The following B3GALT1 variants were observed in gnomAD, a reference collection of about 807,000 sequenced individuals.
The protein encoded by B3GALT1 is UDP-Gal:betaGlcNAc beta 1,3-galactosyltransferase, polypeptide 1.
In B3GALT1, 10 loss-of-function variants were observed where a neutral mutation model predicts 23.2. The ratio of observed to expected loss-of-function variants is 0.43; its 90% CI spans 0.27 to 0.73. The LOEUF (loss-of-function observed/expected upper bound fraction) is 0.73. Among genes scored for constraint, B3GALT1 ranks in the 30% least tolerant of loss-of-function variants. The pLI is 0.21. For synonymous variants in B3GALT1, 156 were observed against 141.5 expected (o/e 1.10, Z -0.73); for missense variants, 299 against 405.4 (o/e 0.74, Z 2.25).
intron 3 of B3GALT1, among the ~76,000 whole-genome samples, chr2:167,778,435 C>T (rs72878704): frequency 0.01 from 1,565 of 151,928 alleles, 26 homozygotes; most frequent in South Asian, 0.068. Flanking sequence ...TATTGTAATC[C>T]TCTAAGATCC....
chr2:167,834,475 A>G (rs1205005991), intron 4 of B3GALT1, among the ~76,000 whole-genome samples: 1 of 152,194 alleles, frequency 6.6e-6, no homozygotes, highest in Non-Finnish European at 1.5e-5. Context: ...CCAGAAGATG[A>G]CAAGTCTCCT....
chr2:167,867,424 T>C (rs904729535), intron 4 of B3GALT1, among the ~76,000 whole-genome samples: 2 of 152,178 alleles, frequency 1.3e-5, no homozygotes, highest in African/African-American at 4.8e-5. Context: ...GGCCTAACTA[T>C]GCCTAGAGTC....
chr2:167,763,011 A>G (rs1687919788), intron 3 of B3GALT1, among the ~76,000 whole-genome samples: 1 of 152,196 alleles, frequency 6.6e-6, no homozygotes, highest in Non-Finnish European at 1.5e-5. Context: ...CCAGGTAGGA[A>G]AAGTACGTCT....
chr2:167,759,434 T>C (rs1021265226), intron 3 of B3GALT1, among the ~76,000 whole-genome samples: 15 of 152,204 alleles, frequency 9.9e-5, no homozygotes, highest in African/African-American at 3.6e-4. Context: ...ATTCCTAACT[T>C]GCATGATGTT....
chr2:167,452,761 T>A (rs1699108941), intron 1 of B3GALT1, among the ~76,000 whole-genome samples: 1 of 152,138 alleles, frequency 6.6e-6, no homozygotes, highest in South Asian at 2.1e-4. Flanking sequence ...CAAATCACAT[T>A]AAATCTGATC....
chr2:167,515,844 A>G (rs1276868254), intron 2 of B3GALT1, among the ~76,000 whole-genome samples: 1 of 152,098 alleles, frequency 6.6e-6, no homozygotes, highest in African/African-American at 2.4e-5. Context: ...ATTACAAAGT[A>G]ACTTTTATGT....
At chr2:167,355,335 A>G (rs1697383169) in intron 1 of B3GALT1, among the ~76,000 whole-genome samples, 1 of 152,238 alleles carries the variant, frequency 6.6e-6, no homozygotes, top group African/African-American at 2.4e-5. Context: ...CAGAAACAGA[A>G]TTGACAAAAA....
At chr2:167,666,511 C>T (rs1686191150) in intron 3 of B3GALT1, among the ~76,000 whole-genome samples, 2 of 151,312 alleles carry the variant, frequency 1.3e-5, no homozygotes, top group Admixed American at 1.3e-4. Flanking sequence ...TCCTTGTTGA[C>T]TTTCTGTCTT....
At chr2:167,552,480 GTAGA>G (rs1208936141) in intron 2 of B3GALT1, among the ~76,000 whole-genome samples, 3 of 152,052 alleles carry the variant, frequency 2.0e-5, no homozygotes, top group African/African-American at 4.8e-5. Context: ...CTATAATAAA[GTAGA>G]TAAGTAGTAA....
intron 3 of B3GALT1, chr2:167,713,590 A>G: frequency 1.1e-6 from 1 of 881,874 alleles, no homozygotes. Context: ...CACTTAAGTA[A>G]CAGCAGTTAC....
intron 3 of B3GALT1, among the ~76,000 whole-genome samples, chr2:167,757,622 T>C (rs187802319): frequency 9.8e-5 from 15 of 152,290 alleles, no homozygotes; most frequent in Admixed American, 8.5e-4. Flanking sequence ...GCCATCTTCA[T>C]TGTAATCTTA....
intron 3 of B3GALT1, among the ~76,000 whole-genome samples, chr2:167,674,573 G>A (rs1254343181): frequency 6.6e-6 from 1 of 152,176 alleles, no homozygotes; most frequent in East Asian, 1.9e-4. Flanking sequence ...AGTCCATCCA[G>A]AGTTCAATTT....
intron 2 of B3GALT1, among the ~76,000 whole-genome samples, chr2:167,641,558 CAT>C (rs1309233092): frequency 5.3e-5 from 8 of 152,304 alleles, no homozygotes; most frequent in East Asian, 3.9e-4. Flanking sequence ...AGGTATAACA[CAT>C]GTTAGCTGCT....
intron 3 of B3GALT1, among the ~76,000 whole-genome samples, chr2:167,768,377 T>C (rs769190243): frequency 6.6e-6 from 1 of 152,242 alleles, no homozygotes; most frequent in Non-Finnish European, 1.5e-5. Context: ...TGGAATTCTT[T>C]CTTCCTTCCT....
At chr2:167,390,931 A>G (rs976441591) in intron 1 of B3GALT1, among the ~76,000 whole-genome samples, 7 of 152,224 alleles carry the variant, frequency 4.6e-5, no homozygotes, top group African/African-American at 1.7e-4. Context: ...TTTAAATTAC[A>G]TGATATCTTG....
At chr2:167,349,405 C>T (rs12052362) in intron 1 of B3GALT1, among the ~76,000 whole-genome samples, 2 of 152,164 alleles carry the variant, frequency 1.3e-5, no homozygotes, top group East Asian at 1.9e-4. Flanking sequence ...ATGGCCCCAA[C>T]GTGCAAGAAT....
intron 3 of B3GALT1, among the ~76,000 whole-genome samples, chr2:167,813,590 A>C (rs1037055666): frequency 2.0e-5 from 3 of 152,226 alleles, no homozygotes; most frequent in Non-Finnish European, 4.4e-5. Context: ...GCCAGGAGTT[A>C]ATATGGGTAT....
intron 1 of B3GALT1, among the ~76,000 whole-genome samples, chr2:167,363,548 C>T (rs958425867): frequency 1.3e-5 from 2 of 152,130 alleles, no homozygotes; most frequent in African/African-American, 4.8e-5. Context: ...TTCTATTTCA[C>T]AAGGAGTGGC....
chr2:167,560,655 C>T (rs1287444748), intron 2 of B3GALT1, among the ~76,000 whole-genome samples: 4 of 151,468 alleles, frequency 2.6e-5, no homozygotes, highest in East Asian at 1.9e-4. Context: ...GGGTTGCAAT[C>T]CTAGTCTCTG....
Sources: allele counts gnomAD v4.1 joint callset (sites outside exome capture counted in the v4.1 genomes callset), GRCh38; gene constraint gnomAD v4.1.1; transcripts MANE v1.5; gene names NCBI Gene and HGNC (gene_info 2026-07-23, HGNC 2026-07-21).